NFILZ: variants seen among roughly 807,000 people sequenced by gnomAD.
The protein encoded by NFILZ is NFIL3 like basic leucine zipper.
intron 3 of NFILZ, among the ~76,000 whole-genome samples, chr19:8,658,820 C>T (rs1341252154): frequency 6.6e-6 from 1 of 152,198 alleles, no homozygotes; most frequent in African/African-American, 2.4e-5. Context: ...CGCAGTGGCT[C>T]ATGCCTGTAT....
At chr19:8,648,156 A>G (rs2042950311) in intron 3 of NFILZ, among the ~76,000 whole-genome samples, 1 of 121,190 alleles carries the variant, frequency 8.3e-6, no homozygotes, top group African/African-American at 3.2e-5. Context: ...CCTGGGCATG[A>G]GCGAGACTCC....
intron 3 of NFILZ, among the ~76,000 whole-genome samples, chr19:8,647,137 A>AT (rs1384183351): frequency 6.6e-6 from 1 of 152,230 alleles, no homozygotes. Flanking sequence ...GCAGGCAGCT[A>AT]ATAACAGTAG....
intron 3 of NFILZ, among the ~76,000 whole-genome samples, chr19:8,658,954 A>C (rs2043017283): frequency 1.3e-5 from 2 of 151,800 alleles, no homozygotes; most frequent in African/African-American, 4.8e-5. Context: ...TCTCTCTAAA[A>C]AAATTTAAAG....
At chr19:8,631,957 C>G (rs555952088) in intron 1 of NFILZ, among the ~76,000 whole-genome samples, 114 of 151,716 alleles carry the variant, frequency 7.5e-4, no homozygotes, top group Middle Eastern at 3.4e-3. Flanking sequence ...GCAACCTCTG[C>G]CTCCCGGGTT....
At chr19:8,663,891 G>A (rs1284466777) in intron 3 of NFILZ, among the ~76,000 whole-genome samples, 1 of 151,986 alleles carries the variant, frequency 6.6e-6, no homozygotes, top group African/African-American at 2.4e-5. Context: ...GCGTTTTAGT[G>A]GGAGCTGGGG....
Position 8,678,184 on chromosome 19 carries a change from T to TCCATCCATCCGTCCAC in NFILZ, c.*555_*556insATCCGTCCACCCATCC, listed in dbSNP as rs1555751023. ...ATCCATCCATCCATCCATCCATCCA[T>TCCATCCATCCGTCCAC]CCATCCGTCCATCTATCCATCCATC... On this transcript the variant is annotated 3_prime_UTR_variant, in exon 6 of 6. Transcript: ENST00000691075. Among the ~76,000 whole-genome samples the TCCATCCATCCGTCCAC allele has an allele frequency of 8.5e-4, 42 of 49,432 alleles. No homozygotes were observed. Among genetic ancestry groups the TCCATCCATCCGTCCAC allele is most frequent in the African/African-American group, 1.6e-3 (19 of 12,236 alleles). The allele number at this position is 49,432 out of a possible 152,430, so 32.4% of individuals were successfully genotyped here.
At chr19:8,655,999 C>G (rs972802022) in intron 3 of NFILZ, among the ~76,000 whole-genome samples, 1 of 152,048 alleles carries the variant, frequency 6.6e-6, no homozygotes, top group Non-Finnish European at 1.5e-5. Context: ...AAGCCCTGCT[C>G]TCAGGGTGGG....
At chr19:8,663,756 G>GTGTA (rs1600151990) in intron 3 of NFILZ, among the ~76,000 whole-genome samples, 8 of 148,400 alleles carry the variant, frequency 5.4e-5, no homozygotes, top group South Asian at 2.1e-4. Flanking sequence ...GTGTGTGTGT[G>GTGTA]TGTGTGTGTG....
intron 3 of NFILZ, among the ~76,000 whole-genome samples, chr19:8,671,825 A>T (rs1364587835): frequency 5.9e-5 from 9 of 152,260 alleles, no homozygotes; most frequent in Admixed American, 5.9e-4. Context: ...ACCCCCTCTG[A>T]TGTCCCCCCA....
intron 3 of NFILZ, among the ~76,000 whole-genome samples, chr19:8,647,015 C>T (rs1253868582): frequency 1.3e-5 from 2 of 152,152 alleles, no homozygotes; most frequent in African/African-American, 2.4e-5. Flanking sequence ...TCAGTTTCCT[C>T]ATCTGTAAAA....
Position 8,678,484 on chromosome 19 carries a change from G to A in NFILZ, c.*849G>A, listed in dbSNP as rs1338366834. On this transcript the variant is annotated 3_prime_UTR_variant, in exon 6 of 6. Coordinates refer to ENST00000691075, the MANE Select transcript of NFILZ (RefSeq NM_001378600.1). ...TCCATCCATCCACCCATTCTTTCTTGCTTCTATCCATTTTCCCATCCACAC... is the reference window on the plus strand; with the variant it reads ...TCCATCCATCCACCCATTCTTTCTTACTTCTATCCATTTTCCCATCCACAC... Among the ~76,000 whole-genome samples the A allele has an allele frequency of 7.0e-6, 1 of 142,822 alleles. No individual in the cohort carries two copies. Among genetic ancestry groups the A allele is most frequent in the African/African-American group, 2.6e-5 (1 of 37,958 alleles). 93.7% of individuals were successfully genotyped at this position (142,822 alleles called of 152,430 possible). A position where few individuals can be genotyped will look rare whatever the true frequency, so the allele number is the denominator to read the frequency against.
At chr19:8,650,522 C>T (rs1016756960) in intron 3 of NFILZ, among the ~76,000 whole-genome samples, 7 of 151,576 alleles carry the variant, frequency 4.6e-5, no homozygotes, top group Non-Finnish European at 1.0e-4. Context: ...GGCGTGGTGG[C>T]ACGCGCCTGT....
rs1568423333 is a variant in NFILZ at position 8,663,722 on chromosome 19, T to TTGTGTGTGTGTGTGTATGTGTGTGTGTG, written c.-163-10814_-163-10813insATGTGTGTGTGTGTGTGTGTGTGTGTGT. ...AACAAGGTGTGGTGTGTGTGTGTGTTTGTGTGTGTGTGTGTGTGTGTGTGT... is the reference window on the plus strand; with the variant it reads ...AACAAGGTGTGGTGTGTGTGTGTGTTTGTGTGTGTGTGTGTATGTGTGTGTGTGTGTGTGTGTGTGTGTGTGTGTGTGT... On this transcript the variant is annotated intron_variant, in intron 3 of 5. Transcript: ENST00000691075. Among the ~76,000 whole-genome samples the TTGTGTGTGTGTGTGTATGTGTGTGTGTG allele has an allele frequency of 5.6e-4, 6 of 10,798 alleles. 1 individual carries two copies. The highest frequency in any genetic ancestry group is 1.8e-3 in the Admixed American group (2 of 1,088). The allele number at this position is 10,798 out of a possible 152,430, so 7.1% of individuals were successfully genotyped here.
At position 8,677,008 on chromosome 19, in the gene NFILZ, T is replaced by C. The variant is rs1005416732; in HGVS notation, c.243T>C (p.Asn81=). ...GGCTGGCTGCACTGATGGAGGAGAA[T>C]GCCCTGCTCAAGGGTGAGCTGAAGG... The part of the protein sequence containing the change: ...EGRLAALMEE[N]ALLKGELKAL... The change falls in exon 6 of 6, where the codon AAT becomes AAC. Residue 81 remains asparagine, a synonymous_variant. Coordinates refer to ENST00000691075, the MANE Select transcript of NFILZ (RefSeq NM_001378600.1). 3 of 152,458 alleles carry C rather than the reference T, an allele frequency of 2.0e-5. No individual in the cohort carries two copies. The highest frequency in any genetic ancestry group is 4.4e-5 in the Non-Finnish European group (3 of 68,206). 9.4% of individuals were successfully genotyped at this position (152,458 alleles called of 1,614,324 possible).
At chr19:8,657,146 C>T (rs1319354889) in intron 3 of NFILZ, among the ~76,000 whole-genome samples, 13 of 149,878 alleles carry the variant, frequency 8.7e-5, no homozygotes, top group South Asian at 2.1e-4. Context: ...TGGAGATTGG[C>T]GATTGCTTTT....
intron 5 of NFILZ, among the ~76,000 whole-genome samples, 146 bp downstream of exon 5, chr19:8,676,602 A>C (rs59535255): frequency 0.21 from 31,972 of 152,210 alleles, 3,596 homozygotes; most frequent in South Asian, 0.35. Flanking sequence ...GGCATCAAAC[A>C]GATGAAGATC....
intron 3 of NFILZ, among the ~76,000 whole-genome samples, chr19:8,659,458 T>C (rs2043019770): frequency 6.6e-6 from 1 of 151,936 alleles, no homozygotes. Context: ...GCACTGGAGC[T>C]GCAGGTGCCG....
At chr19:8,653,001 TTCCTTC>T (rs1461186848) in intron 3 of NFILZ, among the ~76,000 whole-genome samples, 352 of 22,800 alleles carry the variant, frequency 0.015, 1 homozygote, top group Middle Eastern at 0.05. Flanking sequence ...CCTTCCTTCC[TTCCTTC>T]CTTCCTTTCT....
chr19:8,658,847 G>A (rs2043016754), intron 3 of NFILZ, among the ~76,000 whole-genome samples: 1 of 152,176 alleles, frequency 6.6e-6, no homozygotes, highest in Non-Finnish European at 1.5e-5. Context: ...CTGTTCAGGA[G>A]GCTGAGGTGG....
Sources: gnomAD v4.1 joint callset for allele counts (sites outside exome capture counted in the v4.1 genomes callset) on GRCh38, gnomAD v4.1.1 for gene constraint, MANE v1.5 for transcripts, NCBI Gene and HGNC (gene_info 2026-07-23, HGNC 2026-07-21) for gene names.